Variants in GAS2 observed in about 807,000 individuals in gnomAD.
GAS2 encodes the protein growth arrest specific 2.
Under a neutral mutation model 37.5 loss-of-function variants are expected in GAS2, and 20 were observed. The observed-to-expected ratio is 0.53, with a 90% CI of 0.37 to 0.77. The LOEUF is 0.77. Among genes scored for constraint, GAS2 ranks in the 30% least tolerant of loss-of-function variants. The pLI is 0.00. For synonymous variants in GAS2, 144 were observed against 132.2 expected, an observed-to-expected ratio of 1.09 and a Z score of -0.61; for missense variants, 336 against 373.4, an observed-to-expected ratio of 0.90 and a Z score of 0.82.
intron 7 of GAS2, among the ~76,000 whole-genome samples, chr11:22,789,454 A>ATATATATATATATAT (rs1564889924): frequency 1.6e-5 from 1 of 61,214 alleles, no homozygotes; most frequent in African/African-American, 5.6e-5. Flanking sequence ...ATATATATAT[A>ATATATATATATATAT]TTCTTTTTTT....
chr11:22,735,512 A>T (rs1852706215), intron 4 of GAS2, among the ~76,000 whole-genome samples: 2 of 151,800 alleles, frequency 1.3e-5, no homozygotes, highest in South Asian at 4.1e-4. Flanking sequence ...CAGTTTGCCA[A>T]ATTGCTTTTC....
At chr11:22,637,086 TAAG>T (rs1858834489) in intron 1 of GAS2, among the ~76,000 whole-genome samples, 1 of 131,388 alleles carries the variant, frequency 7.6e-6, no homozygotes, top group South Asian at 2.3e-4. Flanking sequence ...ATTAATATAA[TAAG>T]TAATATTGTA....
chr11:22,739,622 G>C (rs1321631891), intron 5 of GAS2, among the ~76,000 whole-genome samples: 7 of 148,410 alleles, frequency 4.7e-5, no homozygotes, highest in Admixed American at 4.7e-4. Context: ...AAAATACAAG[G>C]GGTAGGAAAT....
intron 2 of GAS2, among the ~76,000 whole-genome samples, chr11:22,683,662 TTTC>T (rs1279902916): frequency 1.3e-4 from 13 of 103,238 alleles, no homozygotes. Context: ...TTTAAAATAA[TTTC>T]TTTTTTTTTT....
At chr11:22,683,250 G>T (rs2956868) in intron 2 of GAS2, among the ~76,000 whole-genome samples, 55,916 of 151,890 alleles carry the variant, frequency 0.37, 11,285 homozygotes, top group African/African-American at 0.55. Context: ...TTCATCTGTT[G>T]TTCCAGTCGG....
chr11:22,713,388 G>A (rs1214177464), intron 3 of GAS2, among the ~76,000 whole-genome samples: 2 of 151,912 alleles, frequency 1.3e-5, no homozygotes, highest in African/African-American at 2.4e-5. Context: ...AGAATAATTG[G>A]TGTTCCCAAG....
At chr11:22,741,469 CTT>C (rs200463025) in intron 5 of GAS2, among the ~76,000 whole-genome samples, 2,099 of 151,560 alleles carry the variant, frequency 0.014, 55 homozygotes, top group African/African-American at 0.048. Flanking sequence ...AAAAAAAAAA[CTT>C]TTGATATTTT....
intron 1 of GAS2, among the ~76,000 whole-genome samples, chr11:22,669,171 T>C (rs1488557087): frequency 6.6e-6 from 1 of 152,188 alleles, no homozygotes; most frequent in East Asian, 1.9e-4. Flanking sequence ...ACAGAAATCT[T>C]TATATTAAAA....
At chr11:22,653,424 G>C (rs183578711) in intron 1 of GAS2, among the ~76,000 whole-genome samples, 154 of 152,276 alleles carry the variant, frequency 1.0e-3, no homozygotes, top group Admixed American at 3.1e-3. Flanking sequence ...TCTATGTACA[G>C]TTAACATTAG....
At chr11:22,753,195 G>A (rs1169528329) in intron 6 of GAS2, among the ~76,000 whole-genome samples, 1 of 151,970 alleles carries the variant, frequency 6.6e-6, no homozygotes, top group East Asian at 1.9e-4. Context: ...AAGAACACCT[G>A]CCAGACTGAC....
intron 1 of GAS2, among the ~76,000 whole-genome samples, chr11:22,652,851 C>T (rs998622360): frequency 1.3e-5 from 2 of 152,190 alleles, no homozygotes; most frequent in East Asian, 3.9e-4. Context: ...AATCCGGTAC[C>T]TCAGATGGAA....
Position 22,807,312 on chromosome 11 carries a change from G to C in GAS2, c.724-4486G>C, listed in dbSNP as rs1412372100. The stretch of plus-strand genomic sequence containing the variant: ...CCTAGGAGAAATCTTCCAAGAGAAA[G>C]AAACCTCTGATATCTGATTTTACTA... On this transcript the variant is annotated intron_variant, in intron 7 of 7. Transcript: ENST00000454584. Among the ~76,000 whole-genome samples the C allele has an allele frequency of 3.3e-5, 5 of 152,278 alleles. No homozygotes were observed. In the East Asian group the frequency reaches 7.7e-4, roughly 24 times the overall value.
In GAS2 at chr11:22,780,989, A is replaced by G. The variant is rs143509258; in HGVS notation, c.723+25036A>G. On this transcript the variant is annotated intron_variant, in intron 7 of 7. Transcript: ENST00000454584. ...TAATCACAGCATCTTGACCATTTAC[A>G]AAGCAAAGCATTCTGAATTAGGGCA... is the stretch of plus-strand genomic sequence containing the variant. Among the ~76,000 whole-genome samples the G allele has an allele frequency of 1.4e-3, 207 of 152,344 alleles. 1 individual carries two copies. Among genetic ancestry groups the G allele is most frequent in the African/African-American group, 4.7e-3 (194 of 41,574 alleles).
At chr11:22,778,435 G>C (rs1855377239) in intron 7 of GAS2, among the ~76,000 whole-genome samples, 1 of 152,202 alleles carries the variant, frequency 6.6e-6, no homozygotes. Flanking sequence ...ATAAATGTTA[G>C]AAGGAAACAT....
At chr11:22,689,288 TA>T (rs376236874) in intron 3 of GAS2, among the ~76,000 whole-genome samples, 3 of 151,108 alleles carry the variant, frequency 2.0e-5, no homozygotes, top group East Asian at 3.9e-4. Context: ...AAATAAAAGT[TA>T]AAAAAAAATA....
At chr11:22,714,611 G>A (rs116640594) in intron 3 of GAS2, among the ~76,000 whole-genome samples, 1,590 of 152,112 alleles carry the variant, frequency 0.01, 22 homozygotes, top group African/African-American at 0.036. Context: ...CTCTAAGATA[G>A]GCTACAAAAC....
intron 1 of GAS2, chr11:22,626,513 G>A (rs1201786252): frequency 6.5e-6 from 1 of 153,044 alleles, no homozygotes; most frequent in Non-Finnish European, 1.5e-5. Flanking sequence ...TGAAGGAAAT[G>A]GCATTTAAGA....
intron 5 of GAS2, among the ~76,000 whole-genome samples, chr11:22,746,348 C>T (rs189978204): frequency 2.6e-5 from 4 of 152,266 alleles, no homozygotes; most frequent in African/African-American, 4.8e-5. Context: ...ACCCATCAAT[C>T]GCGTTACTAG....
intron 7 of GAS2, among the ~76,000 whole-genome samples, chr11:22,775,601 C>T (rs1412000490): frequency 6.6e-6 from 1 of 151,744 alleles, no homozygotes; most frequent in Non-Finnish European, 1.5e-5. Flanking sequence ...CTCACAGAAA[C>T]TAAAAGAGAA....
Sources: allele counts gnomAD v4.1 joint callset (sites outside exome capture counted in the v4.1 genomes callset), GRCh38; gene constraint gnomAD v4.1.1; transcripts MANE v1.5; gene names NCBI Gene and HGNC (gene_info 2026-07-23, HGNC 2026-07-21).